Variants in SH3BGRL2 observed in about 807,000 individuals in gnomAD.
The protein encoded by SH3BGRL2 is SH3 domain binding glutamate rich protein like 2, also known as SH3 domain-binding glutamic acid-rich-like protein 2.
A neutral mutation model predicts 14.8 loss-of-function variants in SH3BGRL2; 21 were observed. The observed-to-expected ratio is 1.42, with a 90% CI of 1.01 to 2.05. SH3BGRL2 has a LOEUF of 2.05. Ranked by LOEUF, SH3BGRL2 falls within the 30% of genes most tolerant of loss-of-function variation. The probability of loss-of-function intolerance (pLI) is 0.00; values close to 1 mark genes in which losing one functional copy is unlikely to be tolerated. For missense variants in SH3BGRL2, 147 were observed against 130.8 expected, an observed-to-expected ratio of 1.12 and a Z score of -0.61; for synonymous variants, 50 against 47.8, an observed-to-expected ratio of 1.05 and a Z score of -0.19.
intron 1 of SH3BGRL2, among the ~76,000 whole-genome samples, chr6:79,669,255 G>A (rs1421321792): frequency 1.3e-5 from 2 of 152,048 alleles, no homozygotes; most frequent in Admixed American, 6.6e-5. Context: ...TAAAACTTCA[G>A]CAAGGTTGTT....
At chr6:79,593,392 C>CT in the SH3BGRL2 span, among the ~76,000 whole-genome samples, 1 of 152,136 alleles carries the variant, frequency 6.6e-6, no homozygotes, top group Admixed American at 6.5e-5. Context: ...CATGGGCCAG[C>CT]TTTTCTCTAT....
At chr6:79,693,998 G>A (rs1770281329) in intron 2 of SH3BGRL2, among the ~76,000 whole-genome samples, 1 of 152,210 alleles carries the variant, frequency 6.6e-6, no homozygotes, top group African/African-American at 2.4e-5. Flanking sequence ...CCAGTAAATA[G>A]TGGTGCCATT....
chr6:79,572,617 C>T, the SH3BGRL2 span, among the ~76,000 whole-genome samples: 2 of 152,160 alleles, frequency 1.3e-5, no homozygotes, highest in Non-Finnish European at 2.9e-5. Flanking sequence ...AGGCGCCCGC[C>T]ACCACGCCCG....
chr6:79,546,429 T>C, the SH3BGRL2 span, among the ~76,000 whole-genome samples: 1 of 152,226 alleles, frequency 6.6e-6, no homozygotes. Context: ...CCAGGGCTTA[T>C]TAAAAAGTGC....
chr6:79,643,488 G>T (rs192151418), intron 1 of SH3BGRL2, among the ~76,000 whole-genome samples: 1 of 152,350 alleles, frequency 6.6e-6, no homozygotes, highest in Admixed American at 6.5e-5. Flanking sequence ...CTTAGATCAT[G>T]TGATAGCAAT....
chr6:79,587,951 G>A, the SH3BGRL2 span, among the ~76,000 whole-genome samples: 13 of 151,452 alleles, frequency 8.6e-5, no homozygotes, highest in Non-Finnish European at 1.3e-4. Context: ...TGAGGCGGGC[G>A]GATCACCTGA....
chr6:79,559,968 G>A, the SH3BGRL2 span, among the ~76,000 whole-genome samples: 1 of 152,008 alleles, frequency 6.6e-6, no homozygotes, highest in African/African-American at 2.4e-5. Flanking sequence ...CTAAATAAAA[G>A]GTAAGAATAG....
intron 3 of SH3BGRL2, among the ~76,000 whole-genome samples, chr6:79,699,221 T>G (rs1002783055): frequency 6.6e-6 from 1 of 152,074 alleles, no homozygotes; most frequent in Non-Finnish European, 1.5e-5. Flanking sequence ...CATACACAAG[T>G]GGAACAGTAC....
chr6:79,609,389 G>A, the SH3BGRL2 span, among the ~76,000 whole-genome samples: 1 of 152,154 alleles, frequency 6.6e-6, no homozygotes, highest in South Asian at 2.1e-4. Flanking sequence ...GCCTGATGCT[G>A]GCTTTGATCC....
the SH3BGRL2 span, among the ~76,000 whole-genome samples, chr6:79,559,969 G>A: frequency 3.9e-5 from 6 of 152,070 alleles, no homozygotes; most frequent in Non-Finnish European, 7.3e-5. Context: ...TAAATAAAAG[G>A]TAAGAATAGG....
At chr6:79,657,120 T>C (rs533672233) in intron 1 of SH3BGRL2, among the ~76,000 whole-genome samples, 1 of 151,972 alleles carries the variant, frequency 6.6e-6, no homozygotes, top group East Asian at 1.9e-4. Flanking sequence ...GAGATAAACA[T>C]GGGAATCGCT....
At chr6:79,692,396 A>G (rs915781343) in intron 2 of SH3BGRL2, among the ~76,000 whole-genome samples, 2 of 152,134 alleles carry the variant, frequency 1.3e-5, no homozygotes, top group Non-Finnish European at 2.9e-5. Flanking sequence ...TTTTGTTGCC[A>G]TTGCTTTTGT....
chr6:79,685,205 C>T (rs2127736720), intron 2 of SH3BGRL2, among the ~76,000 whole-genome samples: 1 of 152,302 alleles, frequency 6.6e-6, no homozygotes, highest in Admixed American at 6.5e-5. Context: ...TGAAAGCCTT[C>T]ATCCAGACAG....
intron 2 of SH3BGRL2, among the ~76,000 whole-genome samples, chr6:79,694,886 C>T (rs2127739432): frequency 6.6e-6 from 1 of 152,294 alleles, no homozygotes; most frequent in Non-Finnish European, 1.5e-5. Context: ...TTTTCCCCTC[C>T]TTTCCTTTTT....
chr6:79,541,564 C>A, the SH3BGRL2 span, among the ~76,000 whole-genome samples: 1 of 152,244 alleles, frequency 6.6e-6, no homozygotes, highest in Non-Finnish European at 1.5e-5. Flanking sequence ...CCTCACAACC[C>A]CAGTGGAAAA....
chr6:79,587,120 T>C, the SH3BGRL2 span, among the ~76,000 whole-genome samples: 1 of 152,240 alleles, frequency 6.6e-6, no homozygotes, highest in African/African-American at 2.4e-5. Context: ...TTTTCCTACA[T>C]ATTCAACTGT....
the SH3BGRL2 span, among the ~76,000 whole-genome samples, chr6:79,580,715 A>G: frequency 1.3e-5 from 2 of 152,176 alleles, no homozygotes; most frequent in South Asian, 4.1e-4. Context: ...CGACACACTA[A>G]CATCACAATT....
At chr6:79,616,002 G>A in the SH3BGRL2 span, among the ~76,000 whole-genome samples, 1 of 151,992 alleles carries the variant, frequency 6.6e-6, no homozygotes. Context: ...TTTTTGTAGA[G>A]ACAGGGTTTC....
At chr6:79,611,820 C>T in the SH3BGRL2 span, among the ~76,000 whole-genome samples, 5 of 152,174 alleles carry the variant, frequency 3.3e-5, no homozygotes, top group African/African-American at 1.2e-4. Flanking sequence ...GCTGCGTTAC[C>T]TTGGATGGGT....
Sources: gnomAD v4.1 joint callset for allele counts (sites outside exome capture counted in the v4.1 genomes callset) on GRCh38, gnomAD v4.1.1 for gene constraint, MANE v1.5 for transcripts, NCBI Gene and HGNC (gene_info 2026-07-23, HGNC 2026-07-21) for gene names.